Variants in RYR1 observed in about 807,000 individuals in gnomAD.
RYR1 encodes the protein central core disease of muscle.
In RYR1, 342 loss-of-function variants were observed where a neutral mutation model predicts 583.5. That is an observed-to-expected ratio of 0.59 (90% CI 0.54 to 0.64). The LOEUF (loss-of-function observed/expected upper bound fraction) is 0.64, where lower values mean the gene tolerates loss of function less well. RYR1 is among the 30% of genes least tolerant of loss of function. The probability of loss-of-function intolerance (pLI) is 0.00; values close to 1 mark genes in which losing one functional copy is unlikely to be tolerated. For missense variants in RYR1, 6,032 were observed against 6,917.2 expected (o/e 0.87, Z 4.54); for synonymous variants, 2,791 against 2,822.5 (o/e 0.99, Z 0.35).
Position 38,455,638 on chromosome 19 carries a change from C to T in RYR1, c.1678C>T (p.Leu560=). The T allele has an allele frequency of 6.2e-7, 1 of 1,613,334 alleles. No individual in the cohort carries two copies. The highest frequency in any genetic ancestry group is 8.5e-7 in the Non-Finnish European group (1 of 1,179,304). ...CATTCTGGGCACCCTGGCAGGCATC[C>T]TGGAGGTCCTGTACTGTGTCCTCAT... ...LDRLEASSGI[L]EVLYCVLIES... Residue 560 remains leucine (L), a synonymous_variant, in exon 16 of 106, where the codon CTG becomes TTG. Coordinates refer to ENST00000359596, the MANE Select transcript of RYR1 (RefSeq NM_000540.3).
chr19:38,523,025 CAGGGCGCAGTG>C lies in RYR1; in HGVS notation c.10260-2_10268del. On this transcript the variant is annotated splice_acceptor_variant and coding_sequence_variant, in exon 68 of 106. Transcript: ENST00000359596. LOFTEE classifies it high-confidence loss of function. Reference sequence around the variant, plus strand: ...TCCCTCACCTCCCCTCCGCTGACCCCAGGGCGCAGTGGCTGACGGAGCCGAATCCCAGCGCG... The same window carrying C: ...TCCCTCACCTCCCCTCCGCTGACCCCGCTGACGGAGCCGAATCCCAGCGCG... 2 of 1,590,314 alleles carry C rather than the reference CAGGGCGCAGTG, an allele frequency of 1.3e-6. No homozygotes were observed.
intron 105 of RYR1, among the ~76,000 whole-genome samples, 171 bp downstream of exon 105, chr19:38,586,747 G>T (rs1974509558): frequency 6.6e-6 from 1 of 152,066 alleles, no homozygotes; most frequent in South Asian, 2.1e-4. Flanking sequence ...AAGGCGGGTG[G>T]ATTACTTGAG....
chr19:38,580,594 T>C (rs558194526), intron 101 of RYR1, 90 bp downstream of exon 101: 1 of 1,527,868 alleles, frequency 6.5e-7, no homozygotes, highest in Non-Finnish European at 9.0e-7. Flanking sequence ...GCGTGGTGCC[T>C]CCAGCCTGCA....
At chr19:38,492,397 C>A in intron 37 of RYR1, 93 bp from the exon 38 acceptor site, 3 of 1,324,216 alleles carry the variant, frequency 2.3e-6, no homozygotes, top group Non-Finnish European at 3.2e-6. Flanking sequence ...AAACTCCATG[C>A]ATGCATGCAC....
chr19:38,579,999 C>T lies in RYR1; in HGVS notation c.14382C>T (p.Gly4794=). The change falls in exon 100 of 106, where the codon GGC becomes GGT. Residue 4794 remains glycine, a synonymous_variant. Coordinates refer to ENST00000359596, the MANE Select transcript of RYR1 (RefSeq NM_000540.3). ...GCCCACAGTCCTTCCTGTACCTGGG[C>T]TGGTATATGGTGATGTCCCTCTTGG... ...IFTDNSFLYL[G]WYMVMSLLGH... 1 of 1,614,146 alleles carries T rather than the reference C, an allele frequency of 6.2e-7. No individual in the cohort carries two copies. The highest frequency in any genetic ancestry group is 8.5e-7 in the Non-Finnish European group (1 of 1,180,016).
intron 38 of RYR1, 106 bp from the exon 39 acceptor site, chr19:38,494,246 G>T: frequency 1.4e-6 from 2 of 1,389,182 alleles, no homozygotes; most frequent in East Asian, 2.3e-5. Flanking sequence ...TAGTAACTGG[G>T]AAAACTTCTG....
chr19:38,463,328 G>A (rs1489980951), intron 20 of RYR1, 95 bp from the exon 21 acceptor site: 2 of 1,028,664 alleles, frequency 1.9e-6, no homozygotes, highest in Admixed American at 2.0e-5. Flanking sequence ...TGCTGGAGGA[G>A]CCTCCCAGGG....
At chr19:38,553,479 TA>T (rs35593643) in intron 89 of RYR1, among the ~76,000 whole-genome samples, 213 of 145,392 alleles carry the variant, frequency 1.5e-3, no homozygotes, top group Middle Eastern at 3.5e-3. Context: ...ACCCCATTGC[TA>T]AAAAAAAAAA....
Position 38,529,051 on chromosome 19 carries a change from A to G in RYR1, c.11135A>G (p.Glu3712Gly), listed in dbSNP as rs761514406. ...VLHFSRTALT[E>G]KSKLDEDYLY... is the part of the protein sequence containing the mutation. ...CACTTCAGCCGCACTGCCCTGACGG[A>G]AAAGAGGTGAAGACTCTTGCCAGGG... Residue 3712 changes from glutamate (E) to glycine (G), a missense_variant, in exon 76 of 106, where the codon GAA becomes GGA. Glu to Gly is a moderately conservative substitution (Grantham distance 98). This residue lies in a region of RYR1 where 1,493 missense variants were observed against 1,715.5 expected (regional missense o/e 0.87). Transcript: ENST00000359596. The G allele has an allele frequency of 6.2e-6, 10 of 1,613,584 alleles. 1 individual carries two copies. In the East Asian group the frequency reaches 2.0e-4, roughly 32 times the overall value.
At chr19:38,501,044 A>AGATGGGTCACG in intron 47 of RYR1, 54 bp downstream of exon 47, 1 of 1,579,414 alleles carries the variant, frequency 6.3e-7, no homozygotes, top group Non-Finnish European at 8.7e-7. Context: ...GAGGGACAGG[A>AGATGGGTCACG]GATGGGTCAC....
chr19:38,530,828 GT>G (rs58055057), intron 76 of RYR1, among the ~76,000 whole-genome samples: 9,977 of 151,184 alleles, frequency 0.066, 1,123 homozygotes, highest in African/African-American at 0.23. Context: ...TTGAGACGGA[GT>G]TTTGCTCTTG....
chr19:38,581,126 G>A (rs1360806867), intron 101 of RYR1, among the ~76,000 whole-genome samples: 1 of 149,584 alleles, frequency 6.7e-6, no homozygotes, highest in East Asian at 2.0e-4. Context: ...GGCCCAGGCT[G>A]GAGTGCAGTG....
intron 58 of RYR1, among the ~76,000 whole-genome samples, chr19:38,508,310 A>T (rs1970571810): frequency 6.6e-6 from 1 of 151,960 alleles, no homozygotes; most frequent in Non-Finnish European, 1.5e-5. Flanking sequence ...TCTGGTTTCA[A>T]GCGATTCTCC....
At position 38,565,169 on chromosome 19, in the gene RYR1, G is replaced by GCGGCGGGGCTCGAGGGCA. The variant is rs1339923680; in HGVS notation, c.12842_12859dup (p.Gly4281_Ala4286dup). On this transcript the variant is annotated inframe_insertion, in exon 91 of 106. Transcript: ENST00000359596. The surrounding 1 kb of genome is among the most constrained non-coding windows in gnomAD (Gnocchi z 4.7). ...GGGCGCGGAAGGCGCGGAGGAGGGC[G>GCGGCGGGGCTCGAGGGCA]CGGCGGGGCTCGAGGGCACGGCGGC... The GCGGCGGGGCTCGAGGGCA allele has an allele frequency of 1.1e-5, 15 of 1,389,532 alleles. No individual in the cohort carries two copies. The highest frequency in any genetic ancestry group is 1.0e-5 in the Non-Finnish European group (11 of 1,067,428). The allele number at this position is 1,389,532 out of a possible 1,614,324, so 86.1% of individuals were successfully genotyped here. A position where few individuals can be genotyped will look rare whatever the true frequency, so the allele number is the denominator to read the frequency against.
At chr19:38,470,226 T>A (rs1179877464) in intron 27 of RYR1, among the ~76,000 whole-genome samples, 1 of 151,512 alleles carries the variant, frequency 6.6e-6, no homozygotes, top group African/African-American at 2.4e-5. Context: ...CACTCTAGCC[T>A]AAGAGACAGA....
In RYR1 at chr19:38,457,541, T is replaced by C. The variant is rs889376238; in HGVS notation, c.1836T>C (p.Ala612=). ...LCSLCVCNGV[A]VRSNQDLITE... ...CCCTGTGTGTGTGTAATGGTGTGGC[T>C]GTACGCTCCAACCAAGATCTTATTA... Residue 612 remains alanine, a synonymous_variant, in exon 17 of 106, where the codon GCT becomes GCC. Transcript: ENST00000359596. 1.2e-6 allele frequency: 2 copies of C among 1,614,142 alleles called. No homozygotes were observed. The highest frequency in any genetic ancestry group is 3.3e-5 in the Admixed American group (2 of 60,018).
chr19:38,457,382 C>T (rs775743836), intron 16 of RYR1, 115 bp from the exon 17 acceptor site: 4 of 1,477,206 alleles, frequency 2.7e-6, no homozygotes, highest in African/African-American at 1.4e-5. Context: ...TCAAAATTGC[C>T]ACATCTTATC....
rs753259681 is a variant in RYR1 at position 38,529,067 on chromosome 19, C to T, written c.11141+10C>T. The T allele has an allele frequency of 1.9e-6, 3 of 1,613,036 alleles. No homozygotes were observed. The highest frequency in any genetic ancestry group is 2.5e-6 in the Non-Finnish European group (3 of 1,179,802). On this transcript the variant is annotated intron_variant, in intron 76 of 105. Transcript: ENST00000359596. ...CCCTGACGGAAAAGAGGTGAAGACT[C>T]TTGCCAGGGCCCCAGAAATGCCCCC...
intron 18 of RYR1, among the ~76,000 whole-genome samples, chr19:38,458,610 TTTTG>T (rs201257740): frequency 1.5e-4 from 22 of 148,878 alleles, no homozygotes; most frequent in Admixed American, 3.3e-4. Context: ...TATTTATTTA[TTTTG>T]TTTGTTTGTT....
Sources: gnomAD v4.1 joint callset for allele counts (sites outside exome capture counted in the v4.1 genomes callset) on GRCh38, gnomAD v4.1.1 for gene constraint, gnomAD v4.1.1 regional missense constraint, Gnocchi (gnomAD v3.1) non-coding constraint, MANE v1.5 for transcripts, NCBI Gene and HGNC (gene_info 2026-07-23, HGNC 2026-07-21) for gene names.